Variants in AP3B1 observed in about 807,000 individuals in gnomAD.
AP3B1 encodes AP-3 complex subunit beta-1.
AP3B1 carries 61 observed loss-of-function variants against 132.5 expected under a neutral mutation model. The observed-to-expected ratio is 0.46, with a 90% CI of 0.37 to 0.57. AP3B1 has a LOEUF of 0.57. Ranked by LOEUF, AP3B1 falls within the 20% of genes least tolerant of loss-of-function variation. The pLI is 0.00. For synonymous variants in AP3B1, 388 were observed against 438.3 expected, an observed-to-expected ratio of 0.89 and a Z score of 1.43; for missense variants, 1,120 against 1,289.4, an observed-to-expected ratio of 0.87 and a Z score of 2.01.
intron 23 of AP3B1, among the ~76,000 whole-genome samples, chr5:78,035,965 A>C (rs910283490): frequency 6.6e-6 from 1 of 152,104 alleles, no homozygotes; most frequent in Non-Finnish European, 1.5e-5. Flanking sequence ...CTTCTGTGCC[A>C]TAACTATTTT....
At chr5:78,175,985 G>C in intron 9 of AP3B1, 147 bp from the exon 10 acceptor site, 1 of 690,636 alleles carries the variant, frequency 1.4e-6, no homozygotes, top group Non-Finnish European at 2.6e-6. Context: ...GTAAATCTTA[G>C]ATGTGTGTCT....
intron 8 of AP3B1, among the ~76,000 whole-genome samples, chr5:78,177,942 A>T (rs1167590341): frequency 1.3e-5 from 2 of 152,094 alleles, no homozygotes; most frequent in Non-Finnish European, 2.9e-5. Flanking sequence ...GACAGAATAA[A>T]TTTCTGTTGT....
chr5:78,044,308 C>A (rs1266984858), intron 22 of AP3B1, among the ~76,000 whole-genome samples: 1 of 152,194 alleles, frequency 6.6e-6, no homozygotes. Flanking sequence ...GCTACTAAGG[C>A]TATGATAATC....
intron 22 of AP3B1, among the ~76,000 whole-genome samples, chr5:78,064,018 G>C (rs750317885): frequency 1.3e-4 from 20 of 151,556 alleles, no homozygotes; most frequent in African/African-American, 3.4e-4. Flanking sequence ...GTACTTGCAG[G>C]GGGGGTCGGG....
intron 26 of AP3B1, among the ~76,000 whole-genome samples, chr5:78,014,757 A>G (rs1245338819): frequency 1.3e-5 from 2 of 152,208 alleles, no homozygotes; most frequent in African/African-American, 4.8e-5. Context: ...AATGGATAAG[A>G]GATAATTATT....
At chr5:78,024,334 A>G (rs1043126316) in intron 24 of AP3B1, among the ~76,000 whole-genome samples, 5 of 152,142 alleles carry the variant, frequency 3.3e-5, no homozygotes, top group Non-Finnish European at 7.4e-5. Context: ...AAGACAATCA[A>G]CTGAGGTATA....
intron 26 of AP3B1, among the ~76,000 whole-genome samples, chr5:78,012,792 A>G (rs1746673314): frequency 6.6e-6 from 1 of 152,242 alleles, no homozygotes; most frequent in Non-Finnish European, 1.5e-5. Flanking sequence ...TCTGCACTCC[A>G]AAGTCAAATA....
intron 22 of AP3B1, among the ~76,000 whole-genome samples, chr5:78,060,631 G>A (rs956014631): frequency 7.9e-5 from 12 of 152,198 alleles, no homozygotes; most frequent in African/African-American, 2.6e-4. Context: ...GTGTTTACAT[G>A]ATTTCTGTTT....
chr5:78,138,581 A>G (rs562749118), intron 15 of AP3B1, among the ~76,000 whole-genome samples: 120 of 152,316 alleles, frequency 7.9e-4, no homozygotes, highest in African/African-American at 2.8e-3. Flanking sequence ...CTATTTTCAT[A>G]TTTAATCACT....
intron 25 of AP3B1, 182 bp from the exon 26 acceptor site, chr5:78,015,730 A>G (rs1746830812): frequency 1.7e-6 from 1 of 599,852 alleles, no homozygotes; most frequent in African/African-American, 1.9e-5. Flanking sequence ...GTTTTTTAAA[A>G]TCCTCATTGT....
intron 24 of AP3B1, among the ~76,000 whole-genome samples, chr5:78,025,859 T>A (rs1472157364): frequency 6.6e-6 from 1 of 152,202 alleles, no homozygotes; most frequent in Non-Finnish European, 1.5e-5. Context: ...CAAAATCCAA[T>A]ATAACCAGTA....
chr5:78,133,872 A>G lies in AP3B1; in HGVS notation c.1651-4565T>C, dbSNP rs371846820. On this transcript the variant is annotated intron_variant, in intron 15 of 26. Coordinates refer to ENST00000255194, the MANE Select transcript of AP3B1 (RefSeq NM_003664.5). ...TGCTATCCAGACACTAATTATATCA[A>G]TTACATTTTCTTCAGATTGACTCTA... 1.6e-4 allele frequency among the ~76,000 whole-genome samples: 25 copies of G among 152,286 alleles called. No individual in the cohort carries two copies. In the East Asian group the frequency reaches 4.4e-3, roughly 27 times the overall value.
At chr5:78,086,061 G>C (rs1750236501) in intron 22 of AP3B1, among the ~76,000 whole-genome samples, 1 of 151,910 alleles carries the variant, frequency 6.6e-6, no homozygotes, top group Non-Finnish European at 1.5e-5. Flanking sequence ...TCTAGTTTTG[G>C]TTTCTTATTT....
chr5:78,039,229 G>A lies in AP3B1; in HGVS notation c.2623C>T (p.His875Tyr). ...FVPTKTHVLL[H>Y]RMSGKGLAAH... is the part of the protein sequence containing the mutation. ...GCTAGTCCTTTTCCACTCATTCGAT[G>A]AAGCAGCACGTGAGTTTTCGTTGGT... is the stretch of plus-strand genomic sequence containing the variant. The change falls in exon 23 of 27, where the codon CAT becomes TAT. Residue 875 changes from histidine (H) to tyrosine (Y), a missense_variant. His to Tyr is a moderately conservative substitution (Grantham distance 83). Around this residue, in one of 3 missense-constraint regions of AP3B1, gnomAD observed 906 missense variants for 997.1 expected, o/e 0.91. Transcript: ENST00000255194. 6.2e-7 allele frequency: 1 copy of A among 1,614,124 alleles called. No homozygotes were observed. The highest frequency in any genetic ancestry group is 8.5e-7 in the Non-Finnish European group (1 of 1,180,018).
intron 2 of AP3B1, among the ~76,000 whole-genome samples, chr5:78,254,385 A>T (rs1747769889): frequency 6.6e-6 from 1 of 152,202 alleles, no homozygotes; most frequent in Non-Finnish European, 1.5e-5. Context: ...AGCAGATTTA[A>T]GCTAAAGAAG....
intron 12 of AP3B1, among the ~76,000 whole-genome samples, 189 bp downstream of exon 12, chr5:78,165,421 T>C (rs988683271): frequency 1.3e-5 from 2 of 152,204 alleles, no homozygotes; most frequent in Non-Finnish European, 2.9e-5. Context: ...TGAAAGAGAA[T>C]ACTATGTTTT....
At chr5:78,102,611 C>G (rs763991853) in intron 20 of AP3B1, among the ~76,000 whole-genome samples, 7 of 152,054 alleles carry the variant, frequency 4.6e-5, no homozygotes, top group Non-Finnish European at 7.4e-5. Flanking sequence ...AATGAAAATG[C>G]TGTCTCAACT....
intron 22 of AP3B1, among the ~76,000 whole-genome samples, chr5:78,040,486 A>G (rs1748029899): frequency 6.6e-6 from 1 of 152,122 alleles, no homozygotes; most frequent in Non-Finnish European, 1.5e-5. Flanking sequence ...TTTCTTGGTA[A>G]ATCACCTTTT....
At chr5:78,237,463 C>T (rs564903191) in intron 3 of AP3B1, among the ~76,000 whole-genome samples, 1 of 149,370 alleles carries the variant, frequency 6.7e-6, no homozygotes, top group East Asian at 2.0e-4. Flanking sequence ...CACTACAGTT[C>T]CCCCCCAAAA....
Sources: allele counts gnomAD v4.1 joint callset (sites outside exome capture counted in the v4.1 genomes callset), GRCh38; gene constraint gnomAD v4.1.1; regional missense constraint gnomAD v4.1.1; transcripts MANE v1.5; gene names NCBI Gene and HGNC (gene_info 2026-07-23, HGNC 2026-07-21).